The following COL21A1 variants were observed in gnomAD, a reference collection of about 807,000 sequenced individuals.
COL21A1 encodes the protein collagen type XXI alpha 1 chain.
A neutral mutation model predicts 137.9 loss-of-function variants in COL21A1; 149 were observed. That is an observed-to-expected ratio of 1.08 (90% confidence interval 0.95 to 1.24). The LOEUF (loss-of-function observed/expected upper bound fraction) is 1.24, where lower values mean the gene tolerates loss of function less well. COL21A1 is among the 50% of genes most tolerant of loss of function. The probability of loss-of-function intolerance (pLI) is 0.00; values close to 1 mark genes in which losing one functional copy is unlikely to be tolerated. For synonymous variants in COL21A1, 456 were observed against 391.5 expected, an observed-to-expected ratio of 1.16 and a Z score of -1.95; for missense variants, 1,167 against 1,158.4, an observed-to-expected ratio of 1.01 and a Z score of -0.11.
Position 56,205,605 on chromosome 6 carries a change from C to A in COL21A1, c.-38-22949G>T, listed in dbSNP as rs894634872. ...AACTTCCCCAACCTAGCAAAATAGG[C>A]CAACATTCAAATTCAGGAAATACAG... is the stretch of plus-strand genomic sequence containing the variant. On this transcript the variant is annotated intron_variant, in intron 1 of 29. Coordinates refer to ENST00000244728, the MANE Select transcript of COL21A1 (RefSeq NM_030820.4). 1.3e-5 allele frequency among the ~76,000 whole-genome samples: 2 copies of A among 152,082 alleles called. 1 individual carries two copies. Among genetic ancestry groups the A allele is most frequent in the Admixed American group, 1.3e-4 (2 of 15,248 alleles).
At position 56,057,548 on chromosome 6, in the gene COL21A1, C is replaced by A. The variant is rs1483531468; in HGVS notation, c.*109G>T. On this transcript the variant is annotated 3_prime_UTR_variant, in exon 30 of 30. Transcript: ENST00000244728. ...CCATAAGAAAAAAAAAATAAAAACA[C>A]CGAGGTACTTAAGTTTCTTTTCAAG... is the stretch of plus-strand genomic sequence containing the variant. The A allele has an allele frequency of 2.0e-6, 2 of 983,188 alleles. No individual in the cohort carries two copies. Among genetic ancestry groups the A allele is most frequent in the African/African-American group, 1.7e-5 (1 of 59,402 alleles). The allele number at this position is 983,188 out of a possible 1,614,324, so 60.9% of individuals were successfully genotyped here. A position where few individuals can be genotyped will look rare whatever the true frequency, so the allele number is the denominator to read the frequency against.
At chr6:56,267,019 G>A (rs1203638236) in intron 1 of COL21A1, among the ~76,000 whole-genome samples, 1 of 152,134 alleles carries the variant, frequency 6.6e-6, no homozygotes, top group Admixed American at 6.5e-5. Context: ...GAGACAATGA[G>A]CATCCTCTTC....
At chr6:56,195,923 A>G (rs1169979275) in intron 1 of COL21A1, among the ~76,000 whole-genome samples, 6 of 152,150 alleles carry the variant, frequency 3.9e-5, no homozygotes, top group Non-Finnish European at 8.8e-5. Context: ...AGAACACTAC[A>G]AGAAAAAAAA....
intron 1 of COL21A1, among the ~76,000 whole-genome samples, chr6:56,354,467 T>G (rs1381523575): frequency 2.0e-5 from 3 of 151,042 alleles, no homozygotes. Flanking sequence ...AGAAATAAAA[T>G]CATAAAGCTG....
intron 1 of COL21A1, among the ~76,000 whole-genome samples, chr6:56,210,881 TG>T (rs1243033564): frequency 2.0e-5 from 3 of 152,028 alleles, no homozygotes; most frequent in Non-Finnish European, 4.4e-5. Context: ...TACATGCAGT[TG>T]TGGACTTTGT....
At chr6:56,378,535 AT>A (rs2094003610) in intron 1 of COL21A1, among the ~76,000 whole-genome samples, 1 of 152,140 alleles carries the variant, frequency 6.6e-6, no homozygotes, top group East Asian at 1.9e-4. Context: ...ATGTCTTGTG[AT>A]TTCAGTGCCA....
intron 20 of COL21A1, 48 bp from the exon 21 acceptor site, chr6:56,070,846 A>G: frequency 7.3e-7 from 1 of 1,366,928 alleles, no homozygotes; most frequent in South Asian, 1.3e-5. Flanking sequence ...CAATTCTGTC[A>G]TAATATATCT....
chr6:56,372,846 C>G (rs2093991916), intron 1 of COL21A1, among the ~76,000 whole-genome samples: 1 of 152,164 alleles, frequency 6.6e-6, no homozygotes, highest in Non-Finnish European at 1.5e-5. Flanking sequence ...GCATCTGGAA[C>G]TCCTCTCTAT....
chr6:56,074,748 C>T (rs990067176), intron 19 of COL21A1, among the ~76,000 whole-genome samples: 16 of 151,268 alleles, frequency 1.1e-4, no homozygotes, highest in African/African-American at 2.4e-4. Context: ...ACAAAATGGC[C>T]GTATCTTTAA....
intron 1 of COL21A1, among the ~76,000 whole-genome samples, chr6:56,323,655 T>A (rs1764929823): frequency 6.6e-6 from 1 of 152,172 alleles, no homozygotes. Context: ...CCCAAAGTGC[T>A]GGGATTACAG....
chr6:56,189,665 C>T lies in COL21A1; in HGVS notation c.-38-7009G>A, dbSNP rs187197637. On this transcript the variant is annotated intron_variant, in intron 1 of 29. Coordinates refer to ENST00000244728, the MANE Select transcript of COL21A1 (RefSeq NM_030820.4). Reference sequence around the variant, plus strand: ...GAAGAGCAACCCCAAGACACATAATCGTCAGATTCACCAAGGTTGAAATGA... The same window carrying T: ...GAAGAGCAACCCCAAGACACATAATTGTCAGATTCACCAAGGTTGAAATGA... Among the ~76,000 whole-genome samples the T allele has an allele frequency of 3.3e-3, 505 of 152,050 alleles. 5 individuals are homozygous for T. Among genetic ancestry groups the T allele is most frequent in the African/African-American group, 0.012 (483 of 41,476 alleles).
chr6:56,099,155 C>T (rs1023836202), intron 17 of COL21A1, among the ~76,000 whole-genome samples: 3 of 150,506 alleles, frequency 2.0e-5, no homozygotes, highest in Non-Finnish European at 4.4e-5. Flanking sequence ...AACATTGTTT[C>T]TACGGGAGAA....
In COL21A1 at chr6:56,168,250, T is replaced by C. The variant is rs1256268612; in HGVS notation, c.1074A>G (p.Glu358=). 3 of 1,569,780 alleles carry C rather than the reference T, an allele frequency of 1.9e-6. No homozygotes were observed. Among genetic ancestry groups the C allele is most frequent in the Non-Finnish European group, 2.6e-6 (3 of 1,154,424 alleles). The part of the protein sequence containing the change: ...GWHQIRLLVT[E]QDVTLYIDDQ... ...CATCAATATACAAAGTCACATCTTG[T>C]TCTGTTACTAAGAGACGAATTTGGT... Residue 358 remains glutamate, a synonymous_variant, in exon 6 of 30, where the codon GAA becomes GAG. Coordinates refer to ENST00000244728, the MANE Select transcript of COL21A1 (RefSeq NM_030820.4).
intron 1 of COL21A1, among the ~76,000 whole-genome samples, chr6:56,333,463 A>G (rs1765275468): frequency 6.6e-6 from 1 of 152,130 alleles, no homozygotes; most frequent in Non-Finnish European, 1.5e-5. Context: ...ATGTATATCA[A>G]TAGTTTATTA....
intron 1 of COL21A1, among the ~76,000 whole-genome samples, chr6:56,332,408 G>T (rs1307118872): frequency 6.6e-6 from 1 of 151,608 alleles, no homozygotes; most frequent in East Asian, 1.9e-4. Context: ...ATAGCCAGAA[G>T]AATATTCAGA....
At chr6:56,107,347 G>A (rs549396502) in intron 16 of COL21A1, among the ~76,000 whole-genome samples, 1 of 151,952 alleles carries the variant, frequency 6.6e-6, no homozygotes, top group South Asian at 2.1e-4. Context: ...CAATATATCT[G>A]TAATTGGAGT....
At chr6:56,359,451 A>G (rs1020856396) in intron 1 of COL21A1, among the ~76,000 whole-genome samples, 1 of 152,116 alleles carries the variant, frequency 6.6e-6, no homozygotes, top group Non-Finnish European at 1.5e-5. Context: ...ACCTTTCTTC[A>G]ACTCAGTTCC....
intron 17 of COL21A1, among the ~76,000 whole-genome samples, chr6:56,098,584 T>A (rs868265127): frequency 5.9e-4 from 17 of 29,046 alleles, no homozygotes; most frequent in African/African-American, 1.8e-3. Flanking sequence ...TAAATATATA[T>A]AAATATATAA....
chr6:56,073,119 C>T (rs1766903189), intron 20 of COL21A1, among the ~76,000 whole-genome samples: 1 of 150,960 alleles, frequency 6.6e-6, no homozygotes. Flanking sequence ...AAAAAAAAAG[C>T]TGATGAAATT....
Sources: allele counts gnomAD v4.1 joint callset (sites outside exome capture counted in the v4.1 genomes callset), GRCh38; gene constraint gnomAD v4.1.1; transcripts MANE v1.5; gene names NCBI Gene and HGNC (gene_info 2026-07-23, HGNC 2026-07-21).